Variants in RASGRP4 observed in about 807,000 individuals in gnomAD.
RASGRP4 encodes RAS guanyl-releasing protein 4.
RASGRP4 carries 52 observed loss-of-function variants against 84.4 expected under a neutral mutation model. The ratio of observed to expected loss-of-function variants is 0.62; its 90% CI spans 0.49 to 0.78. The LOEUF (loss-of-function observed/expected upper bound fraction) is 0.78. Ranked by LOEUF, RASGRP4 falls within the 30% of genes least tolerant of loss-of-function variation. The pLI is 0.00. For synonymous variants in RASGRP4, 356 were observed against 359.1 expected (o/e 0.99, Z 0.10); for missense variants, 760 against 886.9 (o/e 0.86, Z 1.82).
chr19:38,423,904 G>A (rs950828664), intron 1 of RASGRP4, among the ~76,000 whole-genome samples: 1 of 152,096 alleles, frequency 6.6e-6, no homozygotes, highest in Admixed American at 6.6e-5. Context: ...GCCTCCCAGA[G>A]GCTGCTGTTC....
intron 4 of RASGRP4, 75 bp downstream of exon 4, chr19:38,420,833 T>G: frequency 6.8e-7 from 1 of 1,469,578 alleles, no homozygotes; most frequent in Non-Finnish European, 9.5e-7. Context: ...GGGGATTCTC[T>G]GAGGAATGTT....
Position 38,418,754 on chromosome 19 carries a change from C to A in RASGRP4, c.664-190G>T, listed in dbSNP as rs34456672. Among the ~76,000 whole-genome samples the A allele has an allele frequency of 0.048, 7,345 of 152,246 alleles. 294 individuals carry two copies. The highest frequency in any genetic ancestry group is 0.11 in the African/African-American group (4,389 of 41,524). ...CATGCTCCTCTCCCATCTGAGGAGG[C>A]ATGTTTCAATATAGCCAGGCACTAT... On this transcript the variant is annotated intron_variant, in intron 6 of 16. Transcript: ENST00000615439. The surrounding 1 kb of genome is among the most constrained non-coding windows in gnomAD (Gnocchi z 4.6).
Position 38,410,033 on chromosome 19 carries a change from G to T in RASGRP4, c.*7C>A. ...GGGAGTGAGGAAGAGAGGAGACCAA[G>T]AGATGTCTAGGAATCCAGCTTGGAG... On this transcript the variant is annotated 3_prime_UTR_variant, in exon 17 of 17. Transcript: ENST00000615439. 1 of 1,610,014 alleles carries T rather than the reference G, an allele frequency of 6.2e-7. No individual in the cohort carries two copies. The highest frequency in any genetic ancestry group is 1.1e-5 in the South Asian group (1 of 90,602).
rs1316186620 is a variant in RASGRP4 at position 38,417,968 on chromosome 19, C to A, written c.837+423G>T. On this transcript the variant is annotated intron_variant, in intron 7 of 16. Coordinates refer to ENST00000615439, the MANE Select transcript of RASGRP4 (RefSeq NM_170604.3). The surrounding 1 kb of genome is among the most constrained non-coding windows in gnomAD (Gnocchi z 5.1). ...GGGGGAAGGGAGGGGAAGAGAAGGG[C>A]GTAACACAATGGGGCGGGGCGGGGA... Among the ~76,000 whole-genome samples the A allele has an allele frequency of 2.1e-5, 3 of 143,668 alleles. No homozygotes were observed. The highest frequency in any genetic ancestry group is 4.5e-5 in the Non-Finnish European group (3 of 66,398). 94.3% of individuals were successfully genotyped at this position (143,668 alleles called of 152,430 possible).
intron 1 of RASGRP4, among the ~76,000 whole-genome samples, chr19:38,425,199 A>AC (rs1260195886): frequency 5.9e-4 from 89 of 149,896 alleles, no homozygotes; most frequent in African/African-American, 1.9e-3. Context: ...AAAAAAACAA[A>AC]AAAAAAAAAA....
chr19:38,420,440 T>TG (rs1325026312), intron 4 of RASGRP4, among the ~76,000 whole-genome samples, 178 bp from the exon 5 acceptor site: 1 of 120,324 alleles, frequency 8.3e-6, no homozygotes, highest in East Asian at 2.4e-4. Flanking sequence ...TGGAGTAGGA[T>TG]GGGGGTCTCT....
chr19:38,415,669 G>T (rs775112665), intron 8 of RASGRP4, among the ~76,000 whole-genome samples: 1 of 151,710 alleles, frequency 6.6e-6, no homozygotes, highest in African/African-American at 2.4e-5. Flanking sequence ...CATCAAGACC[G>T]GCCTTTTTAT....
chr19:38,419,746 G>T, intron 6 of RASGRP4, 114 bp downstream of exon 6: 1 of 1,074,146 alleles, frequency 9.3e-7, no homozygotes, highest in Non-Finnish European at 1.3e-6. Flanking sequence ...AAGACTTTGA[G>T]ATCTCTGCCG....
intron 6 of RASGRP4, 47 bp downstream of exon 6, chr19:38,419,813 C>T (rs912804959): frequency 2.6e-6 from 4 of 1,531,488 alleles, no homozygotes; most frequent in East Asian, 2.4e-5. Flanking sequence ...CCCTCCCCTA[C>T]CCCAGTGTCT....
rs556119048 is a variant in RASGRP4 at position 38,409,280 on chromosome 19, C to T, written c.*760G>A. 7.5e-5 allele frequency: 12 copies of T among 160,118 alleles called. No individual in the cohort carries two copies. Among genetic ancestry groups the T allele is most frequent in the South Asian group, 3.8e-4 (2 of 5,210 alleles). The allele number at this position is 160,118 out of a possible 1,614,324, so 9.9% of individuals were successfully genotyped here. A position where few individuals can be genotyped will look rare whatever the true frequency, so the allele number is the denominator to read the frequency against. ...AGGCATCAGACAAGCATCTGTCAGG[C>T]GCCTACCACCTGCCAGCCCTGTTCT... On this transcript the variant is annotated 3_prime_UTR_variant, in exon 17 of 17. Coordinates refer to ENST00000615439, the MANE Select transcript of RASGRP4 (RefSeq NM_170604.3).
At position 38,410,505 on chromosome 19, in the gene RASGRP4, C is replaced by T. The variant is rs369544020; in HGVS notation, c.1965+381G>A. On this transcript the variant is annotated intron_variant, in intron 16 of 16. Transcript: ENST00000615439. ...TCAGCTCACTACAGCCTCTGCCTCC[C>T]GGGCTCAAGTGATTCTCCTGCCTCA... is the stretch of plus-strand genomic sequence containing the variant. Among the ~76,000 whole-genome samples the T allele has an allele frequency of 2.8e-4, 43 of 151,828 alleles. 1 individual carries two copies. In the East Asian group the frequency reaches 4.1e-3, roughly 14 times the overall value.
Position 38,417,286 on chromosome 19 carries a change from A to G in RASGRP4, c.838-118T>C. The G allele has an allele frequency of 1.4e-6, 1 of 691,898 alleles. No homozygotes were observed. 42.9% of individuals were successfully genotyped at this position (691,898 alleles called of 1,614,324 possible). On this transcript the variant is annotated intron_variant, in intron 7 of 16. Coordinates refer to ENST00000615439, the MANE Select transcript of RASGRP4 (RefSeq NM_170604.3). The surrounding 1 kb of genome is among the most constrained non-coding windows in gnomAD (Gnocchi z 5.1). ...GCATGTGTGGACCAATGTGGGGATCAGACAGGTGAGAGAAGGCGGGTGTGT... is the reference window on the plus strand; with the variant it reads ...GCATGTGTGGACCAATGTGGGGATCGGACAGGTGAGAGAAGGCGGGTGTGT...
Position 38,418,705 on chromosome 19 carries a change from G to A in RASGRP4, c.664-141C>T, listed in dbSNP as rs1379888981. The A allele has an allele frequency of 1.3e-6, 1 of 771,764 alleles. No individual in the cohort carries two copies. The highest frequency in any genetic ancestry group is 1.8e-5 in the African/African-American group (1 of 55,768). The allele number at this position is 771,764 out of a possible 1,614,324, so 47.8% of individuals were successfully genotyped here. On this transcript the variant is annotated intron_variant, in intron 6 of 16. Coordinates refer to ENST00000615439, the MANE Select transcript of RASGRP4 (RefSeq NM_170604.3). This position sits in a 1 kb window ranked among gnomAD's most constrained non-coding sequence, Gnocchi z 4.6. ...TTGTCATCTGTCCCCCAACCCTCAG[G>A]CTGCTACATGTCCTTAACGTCACCA...
Position 38,418,263 on chromosome 19 carries a change from C to T in RASGRP4, c.837+128G>A, listed in dbSNP as rs913335463. ...TTGGTTGGAATGCCCAGGCTGTGGC[C>T]TCGGGGGCGGGGCCGGGAGATGCGT... On this transcript the variant is annotated intron_variant, in intron 7 of 16. Coordinates refer to ENST00000615439, the MANE Select transcript of RASGRP4 (RefSeq NM_170604.3). This position sits in a 1 kb window ranked among gnomAD's most constrained non-coding sequence, Gnocchi z 4.6. The T allele has an allele frequency of 4.1e-6, 4 of 983,216 alleles. No homozygotes were observed. The East Asian group carries it at 7.9e-5, about 19-fold the overall frequency. 60.9% of individuals were successfully genotyped at this position (983,216 alleles called of 1,614,324 possible).
At position 38,411,001 on chromosome 19, in the gene RASGRP4, G is replaced by A. The variant is rs1301958628; in HGVS notation, c.1853-3C>T. The A allele has an allele frequency of 1.2e-6, 2 of 1,605,694 alleles. No individual in the cohort carries two copies. The highest frequency in any genetic ancestry group is 1.3e-5 in the African/African-American group (1 of 74,882). On this transcript the variant is annotated splice_polypyrimidine_tract_variant and splice_region_variant and intron_variant, in intron 15 of 16. Coordinates refer to ENST00000615439, the MANE Select transcript of RASGRP4 (RefSeq NM_170604.3). ...GTAGGAGTGATTTTCCTCGGAGCCT[G>A]TTTGTGGGTGGATGGAAGGGATGTG... is the stretch of plus-strand genomic sequence containing the variant.
chr19:38,422,269 C>T, intron 1 of RASGRP4, 116 bp from the exon 2 acceptor site: 1 of 891,970 alleles, frequency 1.1e-6, no homozygotes. Context: ...AAGGCAAAGC[C>T]CCAGGGTTAC....
rs1173442522 is a variant in RASGRP4, at chr19:38,412,862, C to T, written c.1536-46G>A. On this transcript the variant is annotated intron_variant, in intron 12 of 16. Transcript: ENST00000615439. The surrounding 1 kb of genome is among the most constrained non-coding windows in gnomAD (Gnocchi z 4.6). ...TCAGCATGACCTGCCCCAACGTCCT[C>T]CAGACCCAGGAGTCCAGGCAACCCC... The T allele has an allele frequency of 6.2e-7, 1 of 1,612,330 alleles. No homozygotes were observed. Among genetic ancestry groups the T allele is most frequent in the Non-Finnish European group, 8.5e-7 (1 of 1,178,954 alleles).
intron 1 of RASGRP4, among the ~76,000 whole-genome samples, chr19:38,424,368 C>T (rs1971896995): frequency 6.6e-6 from 1 of 152,050 alleles, no homozygotes; most frequent in South Asian, 2.1e-4. Flanking sequence ...GATCCTCCCA[C>T]CTTTGCCTCT....
intron 4 of RASGRP4, 133 bp downstream of exon 4, chr19:38,420,775 A>G: frequency 1.2e-6 from 1 of 813,300 alleles, no homozygotes; most frequent in Non-Finnish European, 2.1e-6. Context: ...GTGTCTCAGA[A>G]GTGGGATTTT....
Sources: allele counts gnomAD v4.1 joint callset (sites outside exome capture counted in the v4.1 genomes callset), GRCh38; gene constraint gnomAD v4.1.1; non-coding constraint Gnocchi (gnomAD v3.1); transcripts MANE v1.5; gene names NCBI Gene and HGNC (gene_info 2026-07-23, HGNC 2026-07-21).